Variants in CPPED1 observed in about 807,000 individuals in gnomAD.
The protein encoded by CPPED1 is calcineurin like phosphoesterase domain containing 1.
A neutral mutation model predicts 28.0 loss-of-function variants in CPPED1; 28 were observed. That is an observed-to-expected ratio of 1.00 (90% CI 0.74 to 1.37). CPPED1 has a LOEUF of 1.37. Ranked by LOEUF, CPPED1 falls within the 40% of genes most tolerant of loss-of-function variation. CPPED1 has a pLI of 0.00. For missense variants in CPPED1, 504 were observed against 416.5 expected (o/e 1.21, Z -1.83); for synonymous variants, 198 against 180.2 (o/e 1.10, Z -0.79).
intron 1 of CPPED1, among the ~76,000 whole-genome samples, chr16:12,788,270 C>T (rs940205699): frequency 6.6e-6 from 1 of 152,186 alleles, no homozygotes; most frequent in African/African-American, 2.4e-5. Flanking sequence ...TCACACAAAG[C>T]ATGAACACCT....
At chr16:12,666,854 C>T (rs920616919) in intron 3 of CPPED1, among the ~76,000 whole-genome samples, 2 of 152,182 alleles carry the variant, frequency 1.3e-5, no homozygotes, top group Non-Finnish European at 2.9e-5. Context: ...TAACAACCAG[C>T]TCACAACATT....
At chr16:12,703,266 G>C (rs539520273) in intron 3 of CPPED1, among the ~76,000 whole-genome samples, 3 of 152,146 alleles carry the variant, frequency 2.0e-5, no homozygotes, top group Admixed American at 6.6e-5. Flanking sequence ...CCAATTATGT[G>C]AGCTTATTGC....
chr16:12,669,068 G>A (rs1302238019), intron 3 of CPPED1, among the ~76,000 whole-genome samples: 8 of 152,282 alleles, frequency 5.3e-5, no homozygotes, highest in African/African-American at 1.4e-4. Flanking sequence ...CCTAAAATAC[G>A]GAAGCAACCT....
intron 1 of CPPED1, among the ~76,000 whole-genome samples, chr16:12,795,532 G>T (rs1160512437): frequency 2.0e-5 from 3 of 152,140 alleles, no homozygotes; most frequent in Admixed American, 6.5e-5. Flanking sequence ...TACAGATGGG[G>T]TTTCACCATG....
chr16:12,767,406 G>T (rs562990178), intron 2 of CPPED1, among the ~76,000 whole-genome samples: 1 of 152,152 alleles, frequency 6.6e-6, no homozygotes, highest in Admixed American at 6.5e-5. Flanking sequence ...TCACCCTCAC[G>T]AACACACCCA....
At chr16:12,721,878 C>T (rs2080142855) in intron 2 of CPPED1, among the ~76,000 whole-genome samples, 1 of 152,124 alleles carries the variant, frequency 6.6e-6, no homozygotes, top group African/African-American at 2.4e-5. Context: ...ACCTCTGAGA[C>T]CTTCAAAATA....
chr16:12,742,577 G>C (rs975849346), intron 2 of CPPED1, among the ~76,000 whole-genome samples: 2 of 152,088 alleles, frequency 1.3e-5, no homozygotes, highest in East Asian at 3.8e-4. Context: ...CCTTTCCTAT[G>C]GTGATCAATG....
At chr16:12,732,321 A>T (rs1483071468) in intron 2 of CPPED1, among the ~76,000 whole-genome samples, 1 of 151,112 alleles carries the variant, frequency 6.6e-6, no homozygotes, top group African/African-American at 2.4e-5. Context: ...GTGAGGAATC[A>T]TCTCAAAAAG....
intron 3 of CPPED1, among the ~76,000 whole-genome samples, chr16:12,688,341 T>C: frequency 6.6e-6 from 1 of 151,276 alleles, no homozygotes; most frequent in African/African-American, 2.4e-5. Context: ...TTTTTTTTTT[T>C]TTTTTTTTTG....
intron 2 of CPPED1, among the ~76,000 whole-genome samples, chr16:12,770,472 A>T (rs982765523): frequency 5.3e-5 from 8 of 152,324 alleles, no homozygotes; most frequent in Non-Finnish European, 1.2e-4. Context: ...GACAGATGGA[A>T]GGAGAAAAAG....
rs2080677433 is a variant in CPPED1, at chr16:12,803,860, C to T, written c.-84G>A. 7.4e-6 allele frequency: 10 copies of T among 1,352,416 alleles called. No individual in the cohort carries two copies. Among genetic ancestry groups the T allele is most frequent in the Non-Finnish European group, 1.0e-5 (10 of 996,644 alleles). 83.8% of individuals were successfully genotyped at this position (1,352,416 alleles called of 1,614,324 possible). On this transcript the variant is annotated 5_prime_UTR_variant, in exon 1 of 4. Coordinates refer to ENST00000381774, the MANE Select transcript of CPPED1 (RefSeq NM_018340.3). ...CACACAGAACAACCGCTGGACCTGTCCCGCTTTGGGCGACGCCCTTTGATC... is the reference window on the plus strand; with the variant it reads ...CACACAGAACAACCGCTGGACCTGTTCCGCTTTGGGCGACGCCCTTTGATC...
chr16:12,721,214 A>G (rs1413583294), intron 2 of CPPED1, among the ~76,000 whole-genome samples: 1 of 152,178 alleles, frequency 6.6e-6, no homozygotes, highest in Non-Finnish European at 1.5e-5. Context: ...TCAATCAGAA[A>G]GACAGGCAGA....
At chr16:12,788,920 G>A (rs1464962530) in intron 1 of CPPED1, among the ~76,000 whole-genome samples, 2 of 152,202 alleles carry the variant, frequency 1.3e-5, no homozygotes, top group African/African-American at 4.8e-5. Context: ...GGCACAGGCG[G>A]GGACCCAGAC....
chr16:12,765,829 C>T (rs532481311), intron 2 of CPPED1, among the ~76,000 whole-genome samples: 9 of 152,244 alleles, frequency 5.9e-5, no homozygotes, highest in African/African-American at 1.9e-4. Flanking sequence ...CATTCAAATG[C>T]GCCATTTTCC....
chr16:12,740,171 G>GT (rs1452522870), intron 2 of CPPED1, among the ~76,000 whole-genome samples: 1 of 152,142 alleles, frequency 6.6e-6, no homozygotes, highest in Non-Finnish European at 1.5e-5. Context: ...TTTAGGCCGG[G>GT]CGCAGTGGCT....
chr16:12,683,074 C>A (rs768052373), intron 3 of CPPED1, among the ~76,000 whole-genome samples: 2 of 152,152 alleles, frequency 1.3e-5, no homozygotes, highest in African/African-American at 4.8e-5. Context: ...AGAATTTGTT[C>A]AAGATGAAAT....
Position 12,799,243 on chromosome 16 carries a change from GTTTTTTT to G in CPPED1, c.70+4457_70+4463del, listed in dbSNP as rs200948126. 5.1e-3 allele frequency among the ~76,000 whole-genome samples: 685 copies of G among 135,182 alleles called. 8 individuals carry two copies. The highest frequency in any genetic ancestry group is 0.016 in the African/African-American group (623 of 37,934). The allele number at this position is 135,182 out of a possible 152,430, so 88.7% of individuals were successfully genotyped here. A position where few individuals can be genotyped will look rare whatever the true frequency, so the allele number is the denominator to read the frequency against. ...TTTGGCAAGAGAAGGGGAAAAGTCA[GTTTTTTT>G]TTTTTTTTTTTTTGAGACACAGTCA... On this transcript the variant is annotated intron_variant, in intron 1 of 3. Transcript: ENST00000381774.
At chr16:12,782,086 T>A (rs996162067) in intron 1 of CPPED1, among the ~76,000 whole-genome samples, 3 of 152,082 alleles carry the variant, frequency 2.0e-5, no homozygotes, top group African/African-American at 7.2e-5. Context: ...TGGAAAGGGA[T>A]CTAGGCCACC....
chr16:12,661,990 A>C lies in CPPED1; in HGVS notation c.*2896T>G, dbSNP rs567551795. 1 of 152,420 alleles carries C rather than the reference A, an allele frequency of 6.6e-6. No homozygotes were observed. Among genetic ancestry groups the C allele is most frequent in the South Asian group, 2.1e-4 (1 of 4,832 alleles). The allele number at this position is 152,420 out of a possible 1,614,324, so 9.4% of individuals were successfully genotyped here. Reference sequence around the variant, plus strand: ...TCACCTCTGAGAAACGTTTTCCAAGACAGGACAGTGTTATGGAGCATGGAC... The same window carrying C: ...TCACCTCTGAGAAACGTTTTCCAAGCCAGGACAGTGTTATGGAGCATGGAC... On this transcript the variant is annotated 3_prime_UTR_variant, in exon 4 of 4. Transcript: ENST00000381774.
Sources: gnomAD v4.1 joint callset for allele counts (sites outside exome capture counted in the v4.1 genomes callset) on GRCh38, gnomAD v4.1.1 for gene constraint, MANE v1.5 for transcripts, NCBI Gene and HGNC (gene_info 2026-07-23, HGNC 2026-07-21) for gene names.